DACT2: variants seen among roughly 807,000 people sequenced by gnomAD.
DACT2 encodes the protein dapper homolog 2.
A neutral mutation model predicts 22.2 loss-of-function variants in DACT2; 20 were observed. The observed-to-expected ratio is 0.90, with a 90% CI of 0.63 to 1.31. The LOEUF is 1.31. Among genes scored for constraint, DACT2 ranks in the 50% most tolerant of loss-of-function variants. The probability of loss-of-function intolerance (pLI) is 0.00; values close to 1 mark genes in which losing one functional copy is unlikely to be tolerated. For missense variants in DACT2, 1,048 were observed against 1,061.4 expected, an observed-to-expected ratio of 0.99 and a Z score of 0.18; for synonymous variants, 463 against 479.8, an observed-to-expected ratio of 0.96 and a Z score of 0.46.
At chr6:168,302,518 C>G (rs1779128964), downstream of DACT2, among the ~76,000 whole-genome samples, 1 of 152,174 alleles carries the variant, frequency 6.6e-6, no homozygotes, top group Non-Finnish European at 1.5e-5. Context: ...GCATTTAACT[C>G]AATTGAGGTA....
At chr6:168,300,322 C>T (rs1326678160) in intron 3 of DACT2, 1 of 152,242 alleles carries the variant, frequency 6.6e-6, no homozygotes, top group Admixed American at 6.5e-5. Context: ...GGGTCCAGGA[C>T]AGGAGGAAGG....
chr6:168,316,264 C>A (rs1779541119), intron 1 of DACT2, among the ~76,000 whole-genome samples: 1 of 150,308 alleles, frequency 6.7e-6, no homozygotes, highest in Non-Finnish European at 1.5e-5. Flanking sequence ...ACCTCCCTTC[C>A]CATGTGTGTA....
chr6:168,309,810 G>A lies in DACT2; in HGVS notation c.658+358C>T, dbSNP rs150447002. ...CAACTACAGCCCCTCCTGGGCCAGC[G>A]GGTGGGATCCAGGTGTGAGCCCGGT... On this transcript the variant is annotated intron_variant, in intron 3 of 3. Coordinates refer to ENST00000366795, the MANE Select transcript of DACT2 (RefSeq NM_214462.5). 4.1e-4 allele frequency among the ~76,000 whole-genome samples: 62 copies of A among 152,232 alleles called. No homozygotes were observed. In the East Asian group the frequency reaches 0.011, roughly 27 times the overall value.
chr6:168,301,447 G>C (rs1282939722), intron 3 of DACT2, among the ~76,000 whole-genome samples: 1 of 152,234 alleles, frequency 6.6e-6, no homozygotes. Context: ...CAGCCCAGGA[G>C]GCCAGTGGCC....
At chr6:168,303,104 G>T (rs1039724708), downstream of DACT2, among the ~76,000 whole-genome samples, 2 of 152,000 alleles carry the variant, frequency 1.3e-5, no homozygotes, top group African/African-American at 4.8e-5. Flanking sequence ...TCATTTATTC[G>T]CAGAGATTAA....
intron 1 of DACT2, among the ~76,000 whole-genome samples, chr6:168,312,033 G>C (rs1012863002): frequency 3.9e-5 from 6 of 152,174 alleles, no homozygotes; most frequent in African/African-American, 1.4e-4. Context: ...AGAAAGAAAA[G>C]CTCCCCCTTC....
intron 3 of DACT2, among the ~76,000 whole-genome samples, chr6:168,297,350 G>A (rs1328494673): frequency 6.6e-6 from 1 of 152,180 alleles, no homozygotes; most frequent in African/African-American, 2.4e-5. Flanking sequence ...TTGTCCGGGT[G>A]GACCCAGTGT....
At chr6:168,312,551 G>A (rs1406150903) in intron 1 of DACT2, among the ~76,000 whole-genome samples, 1 of 152,170 alleles carries the variant, frequency 6.6e-6, no homozygotes, top group Non-Finnish European at 1.5e-5. Flanking sequence ...GCCTTCTCCT[G>A]GCCTCAGCTT....
chr6:168,302,590 A>AG (rs771096392), downstream of DACT2, among the ~76,000 whole-genome samples: 65 of 152,210 alleles, frequency 4.3e-4, no homozygotes, highest in Non-Finnish European at 6.8e-4. Context: ...GATTTTATTT[A>AG]GTGGGATTCA....
At chr6:168,303,783 G>A (rs1046668991), downstream of DACT2, among the ~76,000 whole-genome samples, 8 of 152,014 alleles carry the variant, frequency 5.3e-5, no homozygotes, top group African/African-American at 1.7e-4. Context: ...GTAATGATAC[G>A]CTCTGTTTTC....
In DACT2 at chr6:168,307,361, G is replaced by C. The variant is rs1779234881; in HGVS notation, c.*71C>G. The C allele has an allele frequency of 1.1e-5, 17 of 1,521,520 alleles. No individual in the cohort carries two copies. Among genetic ancestry groups the C allele is most frequent in the African/African-American group, 1.4e-5 (1 of 71,642 alleles). The allele number at this position is 1,521,520 out of a possible 1,614,324, so 94.3% of individuals were successfully genotyped here. A position where few individuals can be genotyped will look rare whatever the true frequency, so the allele number is the denominator to read the frequency against. Reference sequence around the variant, plus strand: ...CTTGGCAAGACGACACTGAAACCCAGACATGCACAGGACACTGCATGGAAA... The same window carrying C: ...CTTGGCAAGACGACACTGAAACCCACACATGCACAGGACACTGCATGGAAA... On this transcript the variant is annotated 3_prime_UTR_variant, in exon 4 of 4. Transcript: ENST00000366795. This position sits in a 1 kb window ranked among gnomAD's most constrained non-coding sequence, Gnocchi z 5.3.
In DACT2 at chr6:168,318,353, G is replaced by A. The variant is rs536858729; in HGVS notation, c.246+1035C>T. ...GGAGATAACGGGGAACCTGGGAGGC[G>A]TCCCAGACACTGGACTTCCTGATTC... is the stretch of plus-strand genomic sequence containing the variant. On this transcript the variant is annotated intron_variant, in intron 1 of 3. Coordinates refer to ENST00000366795, the MANE Select transcript of DACT2 (RefSeq NM_214462.5). 4.0e-4 allele frequency among the ~76,000 whole-genome samples: 61 copies of A among 152,360 alleles called. No homozygotes were observed. The South Asian group carries it at 4.1e-3, about 10-fold the overall frequency.
At chr6:168,309,862 C>T (rs896148351) in intron 3 of DACT2, among the ~76,000 whole-genome samples, 2 of 152,344 alleles carry the variant, frequency 1.3e-5, no homozygotes, top group Non-Finnish European at 2.9e-5. Flanking sequence ...CTTTCAACCC[C>T]ACTCTCACTC....
rs1247910670 is a variant in DACT2, at chr6:168,307,001, T to C, written c.*431A>G. ...GCTTAACGTGGAGTTTAAACTCAAA[T>C]TCAATTTCCAGCTCAGAGTCCTGCA... On this transcript the variant is annotated 3_prime_UTR_variant, in exon 4 of 4. Transcript: ENST00000366795. The surrounding 1 kb of genome is among the most constrained non-coding windows in gnomAD (Gnocchi z 5.3). 4.0e-6 allele frequency: 4 copies of C among 999,968 alleles called. No individual in the cohort carries two copies. The highest frequency in any genetic ancestry group is 4.8e-6 in the Non-Finnish European group (4 of 838,816). The allele number at this position is 999,968 out of a possible 1,614,324, so 61.9% of individuals were successfully genotyped here.
chr6:168,309,382 G>A (rs528911040), intron 3 of DACT2, among the ~76,000 whole-genome samples: 1 of 61,100 alleles, frequency 1.6e-5, no homozygotes, highest in Admixed American at 2.3e-4. Flanking sequence ...CAGGCGTGGG[G>A]CCCGTCTGCA....
downstream of DACT2, among the ~76,000 whole-genome samples, chr6:168,305,152 T>C (rs1390345053): frequency 6.6e-6 from 1 of 152,102 alleles, no homozygotes; most frequent in Admixed American, 6.5e-5. Context: ...GATTGATTGA[T>C]TGATTGATTT....
intron 1 of DACT2, among the ~76,000 whole-genome samples, chr6:168,314,726 G>A (rs780179783): frequency 6.6e-6 from 1 of 152,136 alleles, no homozygotes; most frequent in African/African-American, 2.4e-5. Flanking sequence ...AGGATATGGA[G>A]ATGGGATCTG....
chr6:168,307,567 G>A lies in DACT2; in HGVS notation c.2190C>T (p.Thr730=), dbSNP rs1287256865. The change falls in exon 4 of 4, where the codon ACC becomes ACT. Residue 730 remains threonine (T), a synonymous_variant. Transcript: ENST00000366795. The surrounding 1 kb of genome is among the most constrained non-coding windows in gnomAD (Gnocchi z 5.3). ...VAAGHAELAW[T]QEAPVSSGPL... ...GCCCCGAGCTGACCGGGGCCTCCTG[G>A]GTCCAGGCCAGCTCCGCATGCCCGG... The A allele has an allele frequency of 6.4e-7, 1 of 1,550,920 alleles. No homozygotes were observed. The highest frequency in any genetic ancestry group is 1.2e-5 in the South Asian group (1 of 84,014).
Position 168,308,593 on chromosome 6 carries a change from G to A in DACT2, c.1164C>T (p.Asp388=), listed in dbSNP as rs115241161. 2,211 of 1,545,480 alleles carry A rather than the reference G, an allele frequency of 1.4e-3. 36 individuals are homozygous for A. In the African/African-American group the frequency reaches 0.027, roughly 19 times the overall value. ...RLLVFAPGRE[D]EGGPAQSRGA... ...CCCTGCTCTGAGCTGGCCCTCCCTC[G>A]TCCTCCCTCCCTGGGGCGAAGACCA... The change falls in exon 4 of 4, where the codon GAC becomes GAT. Residue 388 remains aspartate (D), a synonymous_variant. Transcript: ENST00000366795.
Sources: allele counts gnomAD v4.1 joint callset (sites outside exome capture counted in the v4.1 genomes callset), GRCh38; gene constraint gnomAD v4.1.1; non-coding constraint Gnocchi (gnomAD v3.1); transcripts MANE v1.5; gene names NCBI Gene and HGNC (gene_info 2026-07-23, HGNC 2026-07-21).